Variants in COMMD10 observed in about 807,000 individuals in gnomAD.
COMMD10 encodes the protein COMM domain-containing protein 10.
COMMD10 carries 33 observed loss-of-function variants against 28.9 expected under a neutral mutation model. The ratio of observed to expected loss-of-function variants is 1.14; its 90% CI spans 0.87 to 1.53. COMMD10 has a LOEUF of 1.53. Among genes scored for constraint, COMMD10 ranks in the 40% most tolerant of loss-of-function variants. COMMD10 has a pLI of 0.00. For synonymous variants in COMMD10, 110 were observed against 81.7 expected, an observed-to-expected ratio of 1.35 and a Z score of -1.87; for missense variants, 310 against 233.4, an observed-to-expected ratio of 1.33 and a Z score of -2.14.
chr5:116,278,150 T>G (rs1050811586), intron 5 of COMMD10, among the ~76,000 whole-genome samples: 1 of 151,786 alleles, frequency 6.6e-6, no homozygotes, highest in African/African-American at 2.4e-5. Context: ...TTAGAATAAA[T>G]TATAAATACT....
intron 4 of COMMD10, among the ~76,000 whole-genome samples, chr5:116,097,340 A>G (rs762492387): frequency 6.6e-6 from 1 of 152,208 alleles, no homozygotes; most frequent in Non-Finnish European, 1.5e-5. Flanking sequence ...TGTGGGTCAG[A>G]TGTTATAATG....
At chr5:116,271,932 C>G (rs1439697984) in intron 5 of COMMD10, among the ~76,000 whole-genome samples, 1 of 151,732 alleles carries the variant, frequency 6.6e-6, no homozygotes, top group Non-Finnish European at 1.5e-5. Context: ...TATTTGTTAG[C>G]TCAGATCTGA....
chr5:116,195,842 A>G (rs960959346), intron 5 of COMMD10, among the ~76,000 whole-genome samples: 3 of 152,226 alleles, frequency 2.0e-5, no homozygotes, highest in Non-Finnish European at 2.9e-5. Flanking sequence ...AATGCTCAGC[A>G]TCACTAATGA....
At chr5:116,224,230 A>C (rs1010513431) in intron 5 of COMMD10, among the ~76,000 whole-genome samples, 5 of 152,204 alleles carry the variant, frequency 3.3e-5, no homozygotes, top group Non-Finnish European at 5.9e-5. Flanking sequence ...TCATGAGTCT[A>C]TATGAGGACT....
intron 5 of COMMD10, among the ~76,000 whole-genome samples, chr5:116,248,026 C>A (rs74751088): frequency 0.024 from 3,637 of 151,492 alleles, 147 homozygotes; most frequent in African/African-American, 0.082. Context: ...AAAAGTTGTA[C>A]AAAGAATTAC....
chr5:116,197,276 A>G (rs1748548886), intron 5 of COMMD10, among the ~76,000 whole-genome samples: 1 of 148,924 alleles, frequency 6.7e-6, no homozygotes, highest in African/African-American at 2.6e-5. Flanking sequence ...ACCTAGGATA[A>G]CATTTTTTAC....
chr5:116,241,278 T>TA (rs1233052439), intron 5 of COMMD10, among the ~76,000 whole-genome samples: 1 of 152,186 alleles, frequency 6.6e-6, no homozygotes, highest in Non-Finnish European at 1.5e-5. Flanking sequence ...TTTCTACCAC[T>TA]AAAAATAAAA....
chr5:116,208,269 A>G (rs758575571), intron 5 of COMMD10, among the ~76,000 whole-genome samples: 18 of 152,262 alleles, frequency 1.2e-4, no homozygotes, highest in Non-Finnish European at 1.9e-4. Context: ...TAAACATTTT[A>G]TTGCACTTTT....
At chr5:116,091,025 A>G in intron 2 of COMMD10, 54 bp from the exon 3 acceptor site, 1 of 1,059,862 alleles carries the variant, frequency 9.4e-7, no homozygotes, top group Non-Finnish European at 1.4e-6. Context: ...GTCAAGTATG[A>G]ATTTTGAATG....
intron 4 of COMMD10, among the ~76,000 whole-genome samples, chr5:116,098,142 T>C (rs1245354608): frequency 2.0e-5 from 3 of 152,230 alleles, no homozygotes; most frequent in Admixed American, 6.5e-5. Context: ...CTAAGTCTTA[T>C]TCCTTTTATA....
intron 5 of COMMD10, among the ~76,000 whole-genome samples, chr5:116,222,134 A>G (rs1749276277): frequency 6.6e-6 from 1 of 152,196 alleles, no homozygotes; most frequent in East Asian, 1.9e-4. Flanking sequence ...AGGGAAGGAC[A>G]CAGAGCATAA....
In COMMD10 at chr5:116,289,049, T is replaced by G. The variant is rs1454288482; in HGVS notation, c.511-2468T>G. On this transcript the variant is annotated intron_variant, in intron 5 of 6. Coordinates refer to ENST00000274458, the MANE Select transcript of COMMD10 (RefSeq NM_016144.4). ...GGTGCATGCCACCATGCCTGGCTAA[T>G]TTTTGTATTTTTAGTAGAGATGGGG... Among the ~76,000 whole-genome samples, 8 of 151,362 alleles carry G rather than the reference T, an allele frequency of 5.3e-5. 1 individual carries two copies. Among genetic ancestry groups the G allele is most frequent in the African/African-American group, 2.0e-4 (8 of 40,894 alleles).
At position 116,195,585 on chromosome 5, in the gene COMMD10, G is replaced by A. The variant is rs771602270; in HGVS notation, c.510+61407G>A. ...AGCAAAAAATAAATAAGTAAGATAC[G>A]TAGGAATATAACTAACTGAGGAGTC... On this transcript the variant is annotated intron_variant, in intron 5 of 6. Coordinates refer to ENST00000274458, the MANE Select transcript of COMMD10 (RefSeq NM_016144.4). Among the ~76,000 whole-genome samples, 4 of 152,018 alleles carry A rather than the reference G, an allele frequency of 2.6e-5. No individual in the cohort carries two copies. The East Asian group carries it at 5.8e-4, about 22-fold the overall frequency.
chr5:116,096,562 A>G (rs1269911295), intron 4 of COMMD10, among the ~76,000 whole-genome samples: 1 of 151,964 alleles, frequency 6.6e-6, no homozygotes, highest in Non-Finnish European at 1.5e-5. Flanking sequence ...CTTCCTTTTC[A>G]ATCTGTAGAG....
intron 5 of COMMD10, among the ~76,000 whole-genome samples, chr5:116,213,061 T>C (rs568173457): frequency 6.6e-6 from 1 of 152,226 alleles, no homozygotes; most frequent in South Asian, 2.1e-4. Flanking sequence ...AAAGATAATA[T>C]GCTTTATTTT....
intron 5 of COMMD10, among the ~76,000 whole-genome samples, chr5:116,174,908 T>G (rs1215480337): frequency 6.6e-6 from 1 of 152,192 alleles, no homozygotes; most frequent in African/African-American, 2.4e-5. Flanking sequence ...AGTTTGAAAC[T>G]CCTTTAAGCA....
rs115868457 is a variant in COMMD10 at position 116,238,333 on chromosome 5, G to A, written c.511-53184G>A. 7.9e-3 allele frequency among the ~76,000 whole-genome samples: 1,206 copies of A among 152,256 alleles called. 14 individuals carry two copies. The highest frequency in any genetic ancestry group is 0.015 in the Admixed American group (234 of 15,286). Reference sequence around the variant, plus strand: ...AAGAACAGAGTTTTTCATGATTAATGGGTTAAAAGGCAAGAGTTTTGAATG... The same window carrying A: ...AAGAACAGAGTTTTTCATGATTAATAGGTTAAAAGGCAAGAGTTTTGAATG... On this transcript the variant is annotated intron_variant, in intron 5 of 6. Coordinates refer to ENST00000274458, the MANE Select transcript of COMMD10 (RefSeq NM_016144.4).
At chr5:116,251,639 C>A (rs1750122997) in intron 5 of COMMD10, among the ~76,000 whole-genome samples, 4 of 150,738 alleles carry the variant, frequency 2.7e-5, no homozygotes, top group Admixed American at 6.6e-5. Flanking sequence ...TTTTTTATGG[C>A]TGCATAGTAT....
intron 5 of COMMD10, among the ~76,000 whole-genome samples, chr5:116,173,754 A>G (rs1753411838): frequency 6.6e-6 from 1 of 152,092 alleles, no homozygotes; most frequent in African/African-American, 2.4e-5. Flanking sequence ...TGCACATACT[A>G]ACTGCAGAAG....
Sources: allele counts gnomAD v4.1 joint callset (sites outside exome capture counted in the v4.1 genomes callset), GRCh38; gene constraint gnomAD v4.1.1; transcripts MANE v1.5; gene names NCBI Gene and HGNC (gene_info 2026-07-23, HGNC 2026-07-21).